CIB1: variants seen among roughly 807,000 people sequenced by gnomAD.
The protein encoded by CIB1 is calcium and integrin binding 1, also known as calcium and integrin-binding protein 1.
CIB1 carries 19 observed loss-of-function variants against 25.0 expected under a neutral mutation model. The ratio of observed to expected loss-of-function variants is 0.76; its 90% CI spans 0.53 to 1.12. The LOEUF is 1.12. CIB1 is among the 50% of genes most tolerant of loss of function. The pLI, the probability that CIB1 is intolerant of heterozygous loss-of-function variation, is 0.00. For missense variants in CIB1, 236 were observed against 242.6 expected, an observed-to-expected ratio of 0.97 and a Z score of 0.18; for synonymous variants, 104 against 98.5, an observed-to-expected ratio of 1.06 and a Z score of -0.33.
At chr15:90,241,089 G>T in the CIB1 span, 1 of 1,614,188 alleles carries the variant, frequency 6.2e-7, no homozygotes. Flanking sequence ...TCCCTTTGAT[G>T]CTGCACTCTG....
intron 2 of CIB1, among the ~76,000 whole-genome samples, chr15:90,232,627 C>T (rs1377219971): frequency 6.6e-6 from 1 of 152,186 alleles, no homozygotes; most frequent in African/African-American, 2.4e-5. Context: ...AAAGAATTGG[C>T]CAGGCACGGT....
the CIB1 span, among the ~76,000 whole-genome samples, chr15:90,246,787 C>CAAAAAAAAAAAAAAAAAAAAAA: frequency 2.2e-5 from 1 of 45,202 alleles, no homozygotes; most frequent in Non-Finnish European, 4.2e-5. Context: ...GACTCTGTCT[C>CAAAAAAAAAAAAAAAAAAAAAA]AAAAAAAAAA....
At chr15:90,253,175 C>A in the CIB1 span, 1 of 1,294,350 alleles carries the variant, frequency 7.7e-7, no homozygotes, top group Non-Finnish European at 1.1e-6. Context: ...TATACCTTAC[C>A]TGACCCAGCT....
At chr15:90,260,850 CAAA>C in the CIB1 span, among the ~76,000 whole-genome samples, 5 of 60,210 alleles carry the variant, frequency 8.3e-5, no homozygotes, top group Non-Finnish European at 7.5e-5. Context: ...GACTCTGTCT[CAAA>C]AAAAAAAAAA....
the CIB1 span, chr15:90,262,184 T>C: frequency 1.3e-6 from 2 of 1,530,664 alleles, no homozygotes; most frequent in African/African-American, 2.8e-5. Flanking sequence ...CAGAGAGGAG[T>C]GTGCCAGGTA....
At chr15:90,234,850 T>A (rs1962598698), upstream of CIB1, among the ~76,000 whole-genome samples, 1 of 152,176 alleles carries the variant, frequency 6.6e-6, no homozygotes, top group African/African-American at 2.4e-5. Context: ...CAGTAAATAT[T>A]ATCGAATGCA....
Position 90,232,319 on chromosome 15 carries a change from C to T in CIB1, c.95G>A (p.Arg32Lys), listed in dbSNP as rs780070908. 1.9e-6 allele frequency: 3 copies of T among 1,607,754 alleles called. No homozygotes were observed. In the African/African-American group the frequency reaches 4.0e-5, roughly 21 times the overall value. ...CTGGGGAAGCAGCTCACAAAACCGC[C>T]TGTGGGCTCTGGTAGAGAGAGGGGA... ...LTKQEILLAH[R>K]RFCELLPQEQ... Residue 32 changes from arginine to lysine, a missense_variant, in exon 3 of 7, where the codon AGG (arginine) becomes AAG (lysine). By Grantham distance (26) the Arg-to-Lys change is conservative. Coordinates refer to ENST00000328649, the MANE Select transcript of CIB1 (RefSeq NM_006384.4).
upstream of CIB1, among the ~76,000 whole-genome samples, chr15:90,237,874 T>G (rs1360943122): frequency 2.6e-5 from 4 of 151,986 alleles, no homozygotes; most frequent in Non-Finnish European, 1.5e-5. Flanking sequence ...ATTGCTTGAG[T>G]CTGGGAGGCA....
chr15:90,263,556 G>A, the CIB1 span: 17 of 547,682 alleles, frequency 3.1e-5, no homozygotes, highest in South Asian at 1.1e-4. Context: ...AAGAGCTGCC[G>A]CTTTCACTAT....
chr15:90,232,452 C>T lies in CIB1; in HGVS notation c.87-125G>A, dbSNP rs984353646. 8 of 1,421,336 alleles carry T rather than the reference C, an allele frequency of 5.6e-6. No individual in the cohort carries two copies. The highest frequency in any genetic ancestry group is 7.4e-6 in the Non-Finnish European group (8 of 1,086,098). The allele number at this position is 1,421,336 out of a possible 1,614,324, so 88.0% of individuals were successfully genotyped here. A position where few individuals can be genotyped will look rare whatever the true frequency, so the allele number is the denominator to read the frequency against. ...GCTAAAACCACGTACACAGAACTTC[C>T]GAGTCATCAGGCAACGGTAAGCAAA... On this transcript the variant is annotated intron_variant, in intron 2 of 6. Transcript: ENST00000328649.
the CIB1 span, chr15:90,250,785 T>C: frequency 6.2e-7 from 1 of 1,614,038 alleles, no homozygotes. Flanking sequence ...AAAAATGGGG[T>C]TCCCTCACCC....
At chr15:90,232,491 A>G in intron 2 of CIB1, 164 bp from the exon 3 acceptor site, 1 of 1,148,740 alleles carries the variant, frequency 8.7e-7, no homozygotes, top group Non-Finnish European at 1.2e-6. Context: ...ACATGTCACA[A>G]GGCAGTACAG....
chr15:90,230,989 T>A lies in CIB1; in HGVS notation c.499A>T (p.Thr167Ser). The change falls in exon 6 of 7, where the codon ACC becomes TCC. Residue 167 changes from threonine (T) to serine (S), a missense_variant. Transcript: ENST00000328649. ...LEESDIDRDGTINLSEFQHVI... is the reference protein window; with the variant it reads ...LEESDIDRDGSINLSEFQHVI... ...TGCTGGAACTCAGAGAGGTTGATGG[T>A]TCCATCCCTGTCAATGTCAGACTCC... The A allele has an allele frequency of 1.2e-6, 2 of 1,614,172 alleles. No homozygotes were observed. Among genetic ancestry groups the A allele is most frequent in the South Asian group, 2.2e-5 (2 of 91,086 alleles).
chr15:90,232,393 C>A, intron 2 of CIB1, 66 bp from the exon 3 acceptor site: 1 of 1,515,392 alleles, frequency 6.6e-7, no homozygotes, highest in Non-Finnish European at 8.9e-7. Context: ...CATTCCCACT[C>A]CTTGCCTGCT....
chr15:90,257,919 C>CTGCT, the CIB1 span: 2 of 1,046,646 alleles, frequency 1.9e-6, no homozygotes, highest in African/African-American at 3.2e-5. Context: ...CTGCTCCAAA[C>CTGCT]TGCTAGCAGC....
the CIB1 span, chr15:90,241,567 ATGGCTATTACCTGGC>A: frequency 6.2e-7 from 1 of 1,613,320 alleles, no homozygotes; most frequent in African/African-American, 1.3e-5. Context: ...CTCCACCTGC[ATGGCTATTACCTGGC>A]CCACAGACTG....
chr15:90,231,651 G>GA, intron 3 of CIB1, 144 bp from the exon 4 acceptor site: 1 of 927,572 alleles, frequency 1.1e-6, no homozygotes, highest in South Asian at 1.8e-5. Context: ...GGCCAACATG[G>GA]AGGGCAGTGG....
the CIB1 span, chr15:90,241,505 G>A: frequency 9.9e-6 from 16 of 1,613,586 alleles, no homozygotes; most frequent in East Asian, 4.5e-5. Flanking sequence ...GCTTACACCC[G>A]GGCTTCCGTG....
chr15:90,231,419 A>C lies in CIB1; in HGVS notation c.284T>G (p.Leu95Arg). ...CGTGGCTGTGTCACTGAACACACTG[A>C]GGAGATCCAGGAAGTCCTCAAAGCT... ...SLSFEDFLDL[L>R]SVFSDTATPD... The change falls in exon 4 of 7, where the codon CTC (leucine) becomes CGC (arginine). Residue 95 changes from leucine to arginine, a missense_variant. Transcript: ENST00000328649. 1 of 1,614,196 alleles carries C rather than the reference A, an allele frequency of 6.2e-7. No individual in the cohort carries two copies. Among genetic ancestry groups the C allele is most frequent in the Non-Finnish European group, 8.5e-7 (1 of 1,180,030 alleles).
Sources: gnomAD v4.1 joint callset for allele counts (sites outside exome capture counted in the v4.1 genomes callset) on GRCh38, gnomAD v4.1.1 for gene constraint, MANE v1.5 for transcripts, NCBI Gene and HGNC (gene_info 2026-07-23, HGNC 2026-07-21) for gene names.